PEX6: variants seen among roughly 807,000 people sequenced by gnomAD.
The protein encoded by PEX6 is peroxisomal biogenesis factor 6, also known as peroxisome biogenesis factor 6.
PEX6 carries 55 observed loss-of-function variants against 85.6 expected under a neutral mutation model. The observed-to-expected ratio is 0.64, with a 90% CI of 0.52 to 0.80. PEX6 has a LOEUF of 0.80. Ranked by LOEUF, PEX6 falls within the 30% of genes least tolerant of loss-of-function variation. The probability of loss-of-function intolerance (pLI) is 0.00; values close to 1 mark genes in which losing one functional copy is unlikely to be tolerated. For synonymous variants in PEX6, 519 were observed against 549.1 expected (o/e 0.95, Z 0.77); for missense variants, 1,099 against 1,260.3 (o/e 0.87, Z 1.94).
At position 42,966,098 on chromosome 6, in the gene PEX6, C is replaced by T; in HGVS notation, c.2308G>A (p.Gly770Arg). Residue 770 changes from glycine to arginine, a missense_variant, in exon 12 of 17, where the codon GGG becomes AGG. Physicochemically the swap from Gly to Arg is moderately radical, Grantham distance 125. Coordinates refer to ENST00000304611, the MANE Select transcript of PEX6 (RefSeq NM_000287.4). ...ACATACATGTTAATGAGCTCTGGCC[C>T]CTTCACGCTGAGTGAGAGGATGTGA... The part of the protein sequence containing the change: ...ECSLTFLSVK[G>R]PELINMYVGQ... The T allele has an allele frequency of 1.2e-6, 2 of 1,614,150 alleles. No homozygotes were observed. Among genetic ancestry groups the T allele is most frequent in the Non-Finnish European group, 1.7e-6 (2 of 1,180,034 alleles).
At position 42,964,001 on chromosome 6, in the gene PEX6, A is replaced by C. The variant is rs1333944152; in HGVS notation, c.*334T>G. On this transcript the variant is annotated 3_prime_UTR_variant, in exon 17 of 17. Transcript: ENST00000304611. This position sits in a 1 kb window ranked among gnomAD's most constrained non-coding sequence, Gnocchi z 4.6. ...TCTCACTCCAACCTTTCATGCCACA[A>C]CACCAGTAGGGGGCGGGACATGCTT... 1.9e-5 allele frequency: 10 copies of C among 540,010 alleles called. No individual in the cohort carries two copies. The highest frequency in any genetic ancestry group is 1.0e-3 in the Middle Eastern group (2 of 1,994). The allele number at this position is 540,010 out of a possible 1,614,324, so 33.5% of individuals were successfully genotyped here.
chr6:42,974,260 G>C (rs1770176990), intron 2 of PEX6, among the ~76,000 whole-genome samples, 174 bp from the exon 3 acceptor site: 1 of 152,086 alleles, frequency 6.6e-6, no homozygotes. Flanking sequence ...GGGAAATGGT[G>C]GAGAGACTAG....
At chr6:42,973,938 G>C (rs1020031605) in intron 3 of PEX6, 65 bp downstream of exon 3, 2 of 1,055,100 alleles carry the variant, frequency 1.9e-6, no homozygotes, top group Admixed American at 1.7e-5. Context: ...TTGCAGGGAG[G>C]GGATTGTAGA....
In PEX6 at chr6:42,978,508, G is replaced by T. The variant is rs865933425; in HGVS notation, c.643C>A (p.Leu215Ile). 19 of 1,614,042 alleles carry T rather than the reference G, an allele frequency of 1.2e-5. No individual in the cohort carries two copies. The African/African-American group carries it at 2.1e-4, about 18-fold the overall frequency. The stretch of plus-strand genomic sequence containing the variant: ...ACCCATTCGCCCTGGAAGAGGCCAA[G>T]GCCACGGAGACAGCTCCGGCTCACC... The part of the protein sequence containing the change: ...LGVSRSCLRG[L>I]GLFQGEWVWV... The change falls in exon 1 of 17, where the codon CTT becomes ATT. Residue 215 changes from leucine (L) to isoleucine (I), a missense_variant. Leu to Ile is a conservative substitution (Grantham distance 5, BLOSUM62 2). Transcript: ENST00000304611.
chr6:42,973,353 C>T (rs1770137232), intron 3 of PEX6, among the ~76,000 whole-genome samples: 1 of 152,116 alleles, frequency 6.6e-6, no homozygotes, highest in African/African-American at 2.4e-5. Context: ...GGCCACCAGT[C>T]AGTTTGAGGA....
chr6:42,977,257 T>C (rs1581776388), intron 1 of PEX6, among the ~76,000 whole-genome samples: 2 of 151,294 alleles, frequency 1.3e-5, no homozygotes, highest in African/African-American at 2.4e-5. Context: ...CTCACTTTTT[T>C]TTTTTTTTTT....
chr6:42,968,466 A>G lies in PEX6; in HGVS notation c.1512T>C (p.Ser504=), dbSNP rs1013102900. The part of the protein sequence containing the change: ...VPCSSLCAES[S]GAVETKLQAI... Reference sequence around the variant, plus strand: ...CCTGCAGTTTTGTCTCCACAGCCCCACTACTTTCTGCACAGAGGCTGGAGC... The same window carrying G: ...CCTGCAGTTTTGTCTCCACAGCCCCGCTACTTTCTGCACAGAGGCTGGAGC... The change falls in exon 7 of 17, where the codon AGT becomes AGC. Residue 504 remains serine (S), a synonymous_variant. Transcript: ENST00000304611. 40 of 1,594,458 alleles carry G rather than the reference A, an allele frequency of 2.5e-5. No homozygotes were observed. Among genetic ancestry groups the G allele is most frequent in the Non-Finnish European group, 3.3e-5 (39 of 1,170,406 alleles).
Position 42,965,040 on chromosome 6 carries a change from C to G in PEX6, c.2666+35G>C. On this transcript the variant is annotated intron_variant, in intron 15 of 16. Transcript: ENST00000304611. The surrounding 1 kb of genome is among the most constrained non-coding windows in gnomAD (Gnocchi z 5.0). ...TGCATCCCCTAAGCATCCCAAGGCC[C>G]AAGCCCTTCGCAGTCTTCCTCTAAC... 6.2e-7 allele frequency: 1 copy of G among 1,612,822 alleles called. No homozygotes were observed.
At chr6:42,972,509 G>T (rs373467775) in intron 3 of PEX6, among the ~76,000 whole-genome samples, 2 of 152,272 alleles carry the variant, frequency 1.3e-5, no homozygotes, top group African/African-American at 4.8e-5. Context: ...GGTGGCTCAC[G>T]CCTGTAATCC....
chr6:42,970,479 T>C (rs950008681), intron 3 of PEX6, among the ~76,000 whole-genome samples: 1 of 152,224 alleles, frequency 6.6e-6, no homozygotes, highest in African/African-American at 2.4e-5. Flanking sequence ...TGGCTGCACA[T>C]TGGAATTATC....
Position 42,971,004 on chromosome 6 carries a change from C to T in PEX6, c.1131-1017G>A, listed in dbSNP as rs569221265. The stretch of plus-strand genomic sequence containing the variant: ...GATAAAGAAATCATGAACTACTTCC[C>T]TCTTTAATCCTCAGGCAGCAAGGCA... On this transcript the variant is annotated intron_variant, in intron 3 of 16. Transcript: ENST00000304611. The surrounding 1 kb of genome is among the most constrained non-coding windows in gnomAD (Gnocchi z 4.4). Among the ~76,000 whole-genome samples, 4 of 152,162 alleles carry T rather than the reference C, an allele frequency of 2.6e-5. No individual in the cohort carries two copies. The highest frequency in any genetic ancestry group is 4.8e-5 in the African/African-American group (2 of 41,426).
At chr6:42,975,644 T>C (rs1465281942) in intron 1 of PEX6, among the ~76,000 whole-genome samples, 2 of 152,160 alleles carry the variant, frequency 1.3e-5, no homozygotes, top group East Asian at 3.8e-4. Flanking sequence ...TATTGAGCAC[T>C]TGAAATGTGG....
At chr6:42,972,818 G>A (rs908314202) in intron 3 of PEX6, among the ~76,000 whole-genome samples, 1 of 150,884 alleles carries the variant, frequency 6.6e-6, no homozygotes, top group Non-Finnish European at 1.5e-5. Flanking sequence ...TTCAGAGATA[G>A]GATTGAGAAG....
intron 1 of PEX6, among the ~76,000 whole-genome samples, chr6:42,975,254 A>T (rs1770239627): frequency 6.6e-6 from 1 of 152,126 alleles, no homozygotes; most frequent in South Asian, 2.1e-4. Flanking sequence ...GCTCCAAAAA[A>T]TTTTCTCAGT....
At position 42,965,228 on chromosome 6, in the gene PEX6, AG is replaced by A; in HGVS notation, c.2588+23del. 2 of 1,607,752 alleles carry A rather than the reference AG, an allele frequency of 1.2e-6. No individual in the cohort carries two copies. Among genetic ancestry groups the A allele is most frequent in the Non-Finnish European group, 1.7e-6 (2 of 1,174,176 alleles). ...TGAAGGAGGCACAAAATGAGGGTGG[AG>A]ATGAGCAGTACAAGGGGCCCACCTG... On this transcript the variant is annotated intron_variant, in intron 14 of 16. Coordinates refer to ENST00000304611, the MANE Select transcript of PEX6 (RefSeq NM_000287.4). This position sits in a 1 kb window ranked among gnomAD's most constrained non-coding sequence, Gnocchi z 5.0.
At chr6:42,977,338 C>T (rs1426346413) in intron 1 of PEX6, among the ~76,000 whole-genome samples, 4 of 150,616 alleles carry the variant, frequency 2.7e-5, no homozygotes, top group Admixed American at 6.6e-5. Context: ...CTGCAACCTC[C>T]ACCTCCCAGG....
chr6:42,964,777 G>A lies in PEX6; in HGVS notation c.2806+13C>T. 2.5e-6 allele frequency: 4 copies of A among 1,613,966 alleles called. No individual in the cohort carries two copies. Among genetic ancestry groups the A allele is most frequent in the Non-Finnish European group, 3.4e-6 (4 of 1,179,980 alleles). ...GCTTTTTGGTTGACCTCTCAGACCG[G>A]CAAGTGGCTCACCTTCCTCCAGGTC... On this transcript the variant is annotated intron_variant, in intron 16 of 16. Transcript: ENST00000304611. The surrounding 1 kb of genome is among the most constrained non-coding windows in gnomAD (Gnocchi z 4.6).
rs747878415 is a variant in PEX6 at position 42,969,853 on chromosome 6, G to A, written c.1233+32C>T. On this transcript the variant is annotated intron_variant, in intron 4 of 16. Transcript: ENST00000304611. ...TTTCTAAAAATCGTTTCTACCCCCT[G>A]CGCTGGTCTACACCCATCCTTGGGG... is the stretch of plus-strand genomic sequence containing the variant. The A allele has an allele frequency of 5.0e-6, 8 of 1,613,928 alleles. No homozygotes were observed. The East Asian group carries it at 1.3e-4, about 27-fold the overall frequency.
At position 42,965,721 on chromosome 6, in the gene PEX6, T is replaced by C; in HGVS notation, c.2431A>G (p.Ser811Gly). Reference sequence around the variant, plus strand: ...CCAGAATCTCCACTTCGCCCCCGGCTTGGGGCCAAAGAGTCCAGTTCATCA... The same window carrying C: ...CCAGAATCTCCACTTCGCCCCCGGCCTGGGGCCAAAGAGTCCAGTTCATCA... ...FFDELDSLAP[S>G]RGRSGDSGGV... The change falls in exon 13 of 17, where the codon AGC (serine) becomes GGC (glycine). Residue 811 changes from serine (S) to glycine (G), a missense_variant. Around this residue, in one of 3 missense-constraint regions of PEX6, gnomAD observed 514 missense variants for 627.0 expected, o/e 0.82. Transcript: ENST00000304611. The surrounding 1 kb of genome is among the most constrained non-coding windows in gnomAD (Gnocchi z 5.0). 6.2e-7 allele frequency: 1 copy of C among 1,614,106 alleles called. No individual in the cohort carries two copies. The highest frequency in any genetic ancestry group is 8.5e-7 in the Non-Finnish European group (1 of 1,179,988).
Sources: gnomAD v4.1 joint callset for allele counts (sites outside exome capture counted in the v4.1 genomes callset) on GRCh38, gnomAD v4.1.1 for gene constraint, gnomAD v4.1.1 regional missense constraint, Gnocchi (gnomAD v3.1) non-coding constraint, MANE v1.5 for transcripts, NCBI Gene and HGNC (gene_info 2026-07-23, HGNC 2026-07-21) for gene names.